The following FLOT2 variants were observed in gnomAD, a reference collection of about 807,000 sequenced individuals.
FLOT2 encodes the protein flotillin-2.
A neutral mutation model predicts 54.9 loss-of-function variants in FLOT2; 35 were observed. That is an observed-to-expected ratio of 0.64 (90% CI 0.49 to 0.84). The LOEUF (loss-of-function observed/expected upper bound fraction) is 0.84. Among genes scored for constraint, FLOT2 ranks in the 40% least tolerant of loss-of-function variants. FLOT2 has a pLI of 0.00. For missense variants in FLOT2, 464 were observed against 572.1 expected (o/e 0.81, Z 1.93); for synonymous variants, 207 against 228.9 (o/e 0.90, Z 0.86).
Position 28,884,382 on chromosome 17 carries a change from G to T in FLOT2, c.132-67C>A. 9.9e-7 allele frequency: 1 copy of T among 1,007,742 alleles called. No homozygotes were observed. Among genetic ancestry groups the T allele is most frequent in the Non-Finnish European group, 1.5e-6 (1 of 655,560 alleles). 62.4% of individuals were successfully genotyped at this position (1,007,742 alleles called of 1,614,324 possible). On this transcript the variant is annotated intron_variant, in intron 2 of 10. Coordinates refer to ENST00000394908, the MANE Select transcript of FLOT2 (RefSeq NM_004475.3). This position sits in a 1 kb window ranked among gnomAD's most constrained non-coding sequence, Gnocchi z 5.1. ...AGGGCCTGGTGGTGTTGGGAAAGAG[G>T]CCAGTACCTCACTGCTCCGGCTGGG... is the stretch of plus-strand genomic sequence containing the variant.
chr17:28,884,254 C>A lies in FLOT2; in HGVS notation c.193G>T (p.Val65Leu). The A allele has an allele frequency of 1.9e-6, 3 of 1,613,562 alleles. No homozygotes were observed. The highest frequency in any genetic ancestry group is 2.5e-6 in the Non-Finnish European group (3 of 1,179,674). The change falls in exon 3 of 11, where the codon GTA becomes TTA. Residue 65 changes from valine to leucine, a missense_variant. Transcript: ENST00000394908. This position sits in a 1 kb window ranked among gnomAD's most constrained non-coding sequence, Gnocchi z 5.1. ...GCGACACCCGTCACAGTTAAAGCTA[C>A]CCCCTCGGCCGTCTCTACGTCCTCG... ...RCEDVETAEG[V>L]ALTVTGVAQV... is the part of the protein sequence containing the mutation.
chr17:28,880,576 A>G lies in FLOT2; in HGVS notation c.1272T>C (p.Thr424=). Residue 424 remains threonine (T), a synonymous_variant, in exon 11 of 11, where the codon ACT becomes ACC. Transcript: ENST00000394908. The stretch of plus-strand genomic sequence containing the variant: ...TGCAGGAGCCTCACACCTGCACACC[A>G]GTGGCCTTCTTGATCAGGGGTATCT... ...LSKIPLIKKA[T]GVQV 6.2e-7 allele frequency: 1 copy of G among 1,614,092 alleles called. No homozygotes were observed. The highest frequency in any genetic ancestry group is 8.5e-7 in the Non-Finnish European group (1 of 1,180,012).
At chr17:28,893,411 CTTT>C (rs11300363) in intron 1 of FLOT2, 15 of 136,192 alleles carry the variant, frequency 1.1e-4, no homozygotes, top group East Asian at 6.4e-4. Context: ...CCTCCACCTT[CTTT>C]TTTTTTTTTT....
At position 28,884,730 on chromosome 17, in the gene FLOT2, C is replaced by A. The variant is rs1429254022; in HGVS notation, c.132-415G>T. Among the ~76,000 whole-genome samples, 1 of 152,132 alleles carries A rather than the reference C, an allele frequency of 6.6e-6. No individual in the cohort carries two copies. Among genetic ancestry groups the A allele is most frequent in the Non-Finnish European group, 1.5e-5 (1 of 68,008 alleles). On this transcript the variant is annotated intron_variant, in intron 2 of 10. Transcript: ENST00000394908. This position sits in a 1 kb window ranked among gnomAD's most constrained non-coding sequence, Gnocchi z 5.1. Reference sequence around the variant, plus strand: ...ATGTCAACTGAGCCTCCCACAGGGGCCCTTGCCCATTCCTTGGTCTACCCA... The same window carrying A: ...ATGTCAACTGAGCCTCCCACAGGGGACCTTGCCCATTCCTTGGTCTACCCA...
chr17:28,879,899 A>T lies in FLOT2; in HGVS notation c.*662T>A. The T allele has an allele frequency of 1.0e-6, 1 of 986,138 alleles. No individual in the cohort carries two copies. Among genetic ancestry groups the T allele is most frequent in the African/African-American group, 1.7e-5 (1 of 57,382 alleles). 61.1% of individuals were successfully genotyped at this position (986,138 alleles called of 1,614,324 possible). A position where few individuals can be genotyped will look rare whatever the true frequency, so the allele number is the denominator to read the frequency against. On this transcript the variant is annotated 3_prime_UTR_variant, in exon 11 of 11. Coordinates refer to ENST00000394908, the MANE Select transcript of FLOT2 (RefSeq NM_004475.3). ...TAGGAAACTGAGGAAGCTGCTGTAG[A>T]CAGGAGGCCTTGCCTCTGTGCCCTT...
In FLOT2 at chr17:28,879,407, G is replaced by A. The variant is rs1060343; in HGVS notation, c.*1154C>T. 1 of 988,208 alleles carries A rather than the reference G, an allele frequency of 1.0e-6. No individual in the cohort carries two copies. Among genetic ancestry groups the A allele is most frequent in the Non-Finnish European group, 1.2e-6 (1 of 830,278 alleles). 61.2% of individuals were successfully genotyped at this position (988,208 alleles called of 1,614,324 possible). On this transcript the variant is annotated 3_prime_UTR_variant, in exon 11 of 11. Coordinates refer to ENST00000394908, the MANE Select transcript of FLOT2 (RefSeq NM_004475.3). ...GGGGCAGTGCAACATCCAAGCCCCA[G>A]ACCAGACATGCAGCATCCACATGCA...
chr17:28,895,008 C>T (rs1379500668), intron 1 of FLOT2, among the ~76,000 whole-genome samples: 1 of 148,022 alleles, frequency 6.8e-6, no homozygotes, highest in African/African-American at 2.5e-5. Flanking sequence ...GCCTCCTGGG[C>T]TCAAGCGATC....
rs2039483215 is a variant in FLOT2 at position 28,883,070 on chromosome 17, GC to G, written c.346+37del. On this transcript the variant is annotated intron_variant, in intron 4 of 10. Transcript: ENST00000394908. The surrounding 1 kb of genome is among the most constrained non-coding windows in gnomAD (Gnocchi z 5.0). Reference sequence around the variant, plus strand: ...CACACCTCCCTGCCTTGGCTTAGGGGCCCCGTGAGGCTCCTCAAAGGCTGAA... The same window carrying G: ...CACACCTCCCTGCCTTGGCTTAGGGGCCCGTGAGGCTCCTCAAAGGCTGAA... 6.2e-7 allele frequency: 1 copy of G among 1,609,438 alleles called. No individual in the cohort carries two copies. The highest frequency in any genetic ancestry group is 1.1e-5 in the South Asian group (1 of 91,000).
At chr17:28,896,201 G>A (rs1233101237) in intron 1 of FLOT2, among the ~76,000 whole-genome samples, 1 of 152,238 alleles carries the variant, frequency 6.6e-6, no homozygotes, top group Non-Finnish European at 1.5e-5. Flanking sequence ...GGAAGGCACA[G>A]AGCAACCCAT....
chr17:28,890,492 TTC>T (rs1193054525), intron 1 of FLOT2, among the ~76,000 whole-genome samples: 121 of 151,916 alleles, frequency 8.0e-4, no homozygotes, highest in East Asian at 5.1e-3. Context: ...GTTCACGCGA[TTC>T]TCCTGCCTCA....
intron 2 of FLOT2, among the ~76,000 whole-genome samples, chr17:28,885,105 G>A (rs535491930): frequency 6.6e-5 from 10 of 152,338 alleles, no homozygotes; most frequent in South Asian, 6.2e-4. Flanking sequence ...GTGTGGGTAT[G>A]GAAGGAGAGA....
chr17:28,890,056 G>A (rs1315473251), intron 1 of FLOT2, among the ~76,000 whole-genome samples: 1 of 152,198 alleles, frequency 6.6e-6, no homozygotes, highest in Non-Finnish European at 1.5e-5. Flanking sequence ...GGGGCTGGGA[G>A]GGAAGGAAGA....
intron 2 of FLOT2, among the ~76,000 whole-genome samples, chr17:28,886,768 G>T (rs1379338526): frequency 2.0e-5 from 3 of 152,326 alleles, no homozygotes; most frequent in Admixed American, 6.5e-5. Context: ...CAGAGGCCGA[G>T]GGTGAAGGGG....
chr17:28,884,162 C>A lies in FLOT2; in HGVS notation c.222+63G>T, dbSNP rs941013932. The A allele has an allele frequency of 1.2e-5, 15 of 1,273,084 alleles. No individual in the cohort carries two copies. Among genetic ancestry groups the A allele is most frequent in the Admixed American group, 3.4e-5 (2 of 59,454 alleles). 78.9% of individuals were successfully genotyped at this position (1,273,084 alleles called of 1,614,324 possible). Reference sequence around the variant, plus strand: ...TGGCTGCTGTCCTCTCCTCCTCCCCCCGAACCCGAGTACGGGACCAGGCAG... The same window carrying A: ...TGGCTGCTGTCCTCTCCTCCTCCCCACGAACCCGAGTACGGGACCAGGCAG... On this transcript the variant is annotated intron_variant, in intron 3 of 10. Transcript: ENST00000394908. The surrounding 1 kb of genome is among the most constrained non-coding windows in gnomAD (Gnocchi z 5.1).
chr17:28,886,314 C>T (rs2039546608), intron 2 of FLOT2, among the ~76,000 whole-genome samples: 1 of 152,354 alleles, frequency 6.6e-6, no homozygotes, highest in South Asian at 2.1e-4. Flanking sequence ...CTGTCGCAAT[C>T]TGGGAGACTG....
chr17:28,893,566 G>C lies in FLOT2; in HGVS notation c.49+3960C>G, dbSNP rs115440470. On this transcript the variant is annotated intron_variant, in intron 1 of 10. Transcript: ENST00000394908. The stretch of plus-strand genomic sequence containing the variant: ...ATCGCAATGCCTGTCTAATTAAAAA[G>C]AATTGTTTTTGTAGAGACAGGGTCT... Among the ~76,000 whole-genome samples the C allele has an allele frequency of 4.2e-3, 634 of 152,198 alleles. 7 individuals carry two copies. Among genetic ancestry groups the C allele is most frequent in the African/African-American group, 0.015 (614 of 41,518 alleles).
At position 28,882,264 on chromosome 17, in the gene FLOT2, A is replaced by AG. The variant is rs1001284609; in HGVS notation, c.580-28dup. 6.2e-7 allele frequency: 1 copy of AG among 1,614,032 alleles called. No individual in the cohort carries two copies. The highest frequency in any genetic ancestry group is 1.3e-5 in the African/African-American group (1 of 74,936). On this transcript the variant is annotated intron_variant, in intron 6 of 10. Coordinates refer to ENST00000394908, the MANE Select transcript of FLOT2 (RefSeq NM_004475.3). This position sits in a 1 kb window ranked among gnomAD's most constrained non-coding sequence, Gnocchi z 5.6. ...TGGGGACAAAAGGGGCAGAAGGGGA[A>AG]GGTGAGTGAGTAGAGGTCCTGAGTC...
chr17:28,880,275 T>G lies in FLOT2; in HGVS notation c.*286A>C. On this transcript the variant is annotated 3_prime_UTR_variant, in exon 11 of 11. Coordinates refer to ENST00000394908, the MANE Select transcript of FLOT2 (RefSeq NM_004475.3). ...AACATCTTCAGCTTAATCTACATGA[T>G]GTGCATGGGGGAAAGAAAAAGACAG... 7.6e-7 allele frequency: 1 copy of G among 1,309,872 alleles called. No individual in the cohort carries two copies. 81.1% of individuals were successfully genotyped at this position (1,309,872 alleles called of 1,614,324 possible).
In FLOT2 at chr17:28,882,342, T is replaced by C. The variant is rs2039467435; in HGVS notation, c.574A>G (p.Ile192Val). The C allele has an allele frequency of 1.2e-6, 2 of 1,613,874 alleles. No homozygotes were observed. Among genetic ancestry groups the C allele is most frequent in the Non-Finnish European group, 1.7e-6 (2 of 1,180,018 alleles). ...GVAEAERDAG[I>V]REAECKKEML... ...CCATCCTTGAACCCACATACCCGGA[T>C]GCCTGCGTCCCGTTCAGCCTCGGCC... Residue 192 changes from isoleucine to valine, a missense_variant, in exon 6 of 11, where the codon ATC becomes GTC. Ile to Val is a conservative substitution (Grantham distance 29, BLOSUM62 3). Coordinates refer to ENST00000394908, the MANE Select transcript of FLOT2 (RefSeq NM_004475.3). The surrounding 1 kb of genome is among the most constrained non-coding windows in gnomAD (Gnocchi z 5.6).
Sources: gnomAD v4.1 joint callset for allele counts (sites outside exome capture counted in the v4.1 genomes callset) on GRCh38, gnomAD v4.1.1 for gene constraint, Gnocchi (gnomAD v3.1) non-coding constraint, MANE v1.5 for transcripts, NCBI Gene and HGNC (gene_info 2026-07-23, HGNC 2026-07-21) for gene names.